C10orf105: variants seen among roughly 807,000 people sequenced by gnomAD.
The protein encoded by C10orf105 is uncharacterized protein C10orf105.
Under a neutral mutation model 0.6 loss-of-function variants are expected in C10orf105, and 2 were observed. The ratio of observed to expected loss-of-function variants is 3.18; its 90% CI spans 1.30 to 10.01. The LOEUF (loss-of-function observed/expected upper bound fraction) is 10.01, where lower values mean the gene tolerates loss of function less well. Ranked by LOEUF, C10orf105 falls within the 30% of genes most tolerant of loss-of-function variation. The pLI, the probability that C10orf105 is intolerant of heterozygous loss-of-function variation, is 0.04. For missense variants in C10orf105, 209 were observed against 191.4 expected, an observed-to-expected ratio of 1.09 and a Z score of -0.54; for synonymous variants, 95 against 82.4, an observed-to-expected ratio of 1.15 and a Z score of -0.83.
intron 1 of C10orf105, among the ~76,000 whole-genome samples, chr10:71,718,680 A>G (rs1866406242): frequency 6.6e-6 from 1 of 152,216 alleles, no homozygotes; most frequent in Non-Finnish European, 1.5e-5. Context: ...TACTAGTTCT[A>G]ATGTTATTTC....
chr10:71,716,479 G>A (rs892013378), intron 1 of C10orf105, 137 bp from the exon 2 acceptor site: 4 of 661,442 alleles, frequency 6.0e-6, no homozygotes, highest in Non-Finnish European at 1.0e-5. Context: ...CACATCACAG[G>A]TTAAGACAGC....
At chr10:71,718,768 A>G (rs1866410557) in intron 1 of C10orf105, among the ~76,000 whole-genome samples, 1 of 152,186 alleles carries the variant, frequency 6.6e-6, no homozygotes, top group Non-Finnish European at 1.5e-5. Context: ...ACCTGCTTTA[A>G]TTTAAAAAAT....
chr10:71,732,025 G>A lies in C10orf105; in HGVS notation c.-6+5703C>T, dbSNP rs747334403. ...GGTGAACTACCGCATCCTGTCGGGCGCAGAGGGGAAGTTTGAGATTGACGA... is the reference window on the plus strand; with the variant it reads ...GGTGAACTACCGCATCCTGTCGGGCACAGAGGGGAAGTTTGAGATTGACGA... On this transcript the variant is annotated intron_variant, in intron 1 of 1. Transcript: ENST00000398786. 2.2e-5 allele frequency: 35 copies of A among 1,613,852 alleles called. No individual in the cohort carries two copies. Among genetic ancestry groups the A allele is most frequent in the Middle Eastern group, 1.6e-4 (1 of 6,084 alleles).
chr10:71,727,450 G>T (rs1451416752), intron 1 of C10orf105, among the ~76,000 whole-genome samples: 1 of 152,220 alleles, frequency 6.6e-6, no homozygotes, highest in Non-Finnish European at 1.5e-5. Flanking sequence ...ATGAGACCCG[G>T]GAGAGCTGGG....
rs890250418 is a variant in C10orf105, at chr10:71,714,090, G to A, written c.*1846C>T. On this transcript the variant is annotated 3_prime_UTR_variant, in exon 2 of 2. Transcript: ENST00000441508. ...CCCATTTCTCAGGGAGAAATGCAGC[G>A]TCTCAGGATGACTTCTCCAAGGTCC... is the stretch of plus-strand genomic sequence containing the variant. The A allele has an allele frequency of 5.9e-5, 9 of 152,268 alleles. No individual in the cohort carries two copies. The highest frequency in any genetic ancestry group is 2.1e-4 in the South Asian group (1 of 4,828). The allele number at this position is 152,268 out of a possible 1,614,324, so 9.4% of individuals were successfully genotyped here.
At chr10:71,727,108 C>T (rs1190767815) in intron 1 of C10orf105, among the ~76,000 whole-genome samples, 5 of 152,192 alleles carry the variant, frequency 3.3e-5, no homozygotes, top group South Asian at 2.1e-4. Context: ...CTAAATGCCT[C>T]GTGTACTTTA....
upstream of C10orf105, among the ~76,000 whole-genome samples, chr10:71,723,677 C>T (rs1866669679): frequency 6.6e-6 from 1 of 152,172 alleles, no homozygotes; most frequent in Non-Finnish European, 1.5e-5. Context: ...CTGGGAGAGG[C>T]TCCTGGGCTC....
intron 1 of C10orf105, chr10:71,731,915 C>T: frequency 6.6e-7 from 1 of 1,513,688 alleles, no homozygotes; most frequent in East Asian, 2.4e-5. Flanking sequence ...ATGGGTGTGG[C>T]AGCTTGAGAA....
In C10orf105 at chr10:71,713,142, A is replaced by G. The variant is rs1322406853; in HGVS notation, c.*2794T>C. 1 of 778,842 alleles carries G rather than the reference A, an allele frequency of 1.3e-6. No homozygotes were observed. Among genetic ancestry groups the G allele is most frequent in the African/African-American group, 1.7e-5 (1 of 59,126 alleles). The allele number at this position is 778,842 out of a possible 1,614,324, so 48.2% of individuals were successfully genotyped here. ...GAAAGAGACGTCACAATTTCCCGGA[A>G]AGGAGTTGAGAAGAGAGCCAGGGCC... On this transcript the variant is annotated 3_prime_UTR_variant, in exon 2 of 2. Transcript: ENST00000441508.
chr10:71,731,044 C>A (rs1839363098), intron 1 of C10orf105, among the ~76,000 whole-genome samples: 1 of 152,264 alleles, frequency 6.6e-6, no homozygotes, highest in Non-Finnish European at 1.5e-5. Context: ...GTACAAGGGG[C>A]AGTACCCTTC....
At chr10:71,723,977 C>T, upstream of C10orf105, 3 of 1,524,222 alleles carry the variant, frequency 2.0e-6, no homozygotes. Context: ...AGGAAAGGAA[C>T]TCTAAAAACC....
chr10:71,730,955 C>A (rs752001180), intron 1 of C10orf105, among the ~76,000 whole-genome samples: 4 of 152,172 alleles, frequency 2.6e-5, no homozygotes, highest in African/African-American at 4.8e-5. Context: ...AAGCTGGCTG[C>A]GGCCTGGCCT....
At chr10:71,724,798 G>A (rs1270704931) in intron 1 of C10orf105, among the ~76,000 whole-genome samples, 1 of 152,196 alleles carries the variant, frequency 6.6e-6, no homozygotes, top group East Asian at 1.9e-4. Context: ...AAAATGTGCT[G>A]ATCCTCCCAC....
chr10:71,718,012 A>G (rs191974097), intron 1 of C10orf105: 42 of 152,376 alleles, frequency 2.8e-4, no homozygotes, highest in African/African-American at 1.0e-3. Context: ...TTTAAATTCT[A>G]CTGACGTGGA....
At chr10:71,731,149 A>T (rs1256185970) in intron 1 of C10orf105, among the ~76,000 whole-genome samples, 2 of 152,126 alleles carry the variant, frequency 1.3e-5, no homozygotes, top group Non-Finnish European at 2.9e-5. Context: ...AATGAAGGGG[A>T]AGCATGCCGG....
upstream of C10orf105, among the ~76,000 whole-genome samples, chr10:71,720,626 C>T (rs1369399604): frequency 6.6e-6 from 1 of 152,190 alleles, no homozygotes; most frequent in Non-Finnish European, 1.5e-5. Flanking sequence ...GACCCATTCC[C>T]TTTTTTGGAG....
At position 71,715,571 on chromosome 10, in the gene C10orf105, T is replaced by TGGCACCTGGAGGGCAAGGCTTC. The variant is rs1866176029; in HGVS notation, c.*343_*364dup. On this transcript the variant is annotated 3_prime_UTR_variant, in exon 2 of 2. Coordinates refer to ENST00000441508, the MANE Select transcript of C10orf105 (RefSeq NM_001164375.3). ...TTGGCAACTTCTCCATGCTGGGCTT[T>TGGCACCTGGAGGGCAAGGCTTC]GGCACCTGGAGGGCAAGGCTTCTGT... The TGGCACCTGGAGGGCAAGGCTTC allele has an allele frequency of 5.0e-6, 1 of 199,388 alleles. No individual in the cohort carries two copies. The highest frequency in any genetic ancestry group is 1.0e-5 in the Non-Finnish European group (1 of 99,320). 12.4% of individuals were successfully genotyped at this position (199,388 alleles called of 1,614,324 possible).
At position 71,715,610 on chromosome 10, in the gene C10orf105, G is replaced by A. The variant is rs1866178916; in HGVS notation, c.*326C>T. On this transcript the variant is annotated 3_prime_UTR_variant, in exon 2 of 2. Transcript: ENST00000441508. ...CAAGGCTTCTGTGGCGAGCGAGGGT[G>A]CTGCTTCTAGGAGGTGGTTACGAGC... 1 of 242,238 alleles carries A rather than the reference G, an allele frequency of 4.1e-6. No homozygotes were observed. Among genetic ancestry groups the A allele is most frequent in the Non-Finnish European group, 7.9e-6 (1 of 126,472 alleles). 15.0% of individuals were successfully genotyped at this position (242,238 alleles called of 1,614,324 possible). A position where few individuals can be genotyped will look rare whatever the true frequency, so the allele number is the denominator to read the frequency against.
chr10:71,719,884 G>A (rs753915601), upstream of C10orf105: 21 of 152,838 alleles, frequency 1.4e-4, no homozygotes, highest in Non-Finnish European at 2.5e-4. Flanking sequence ...ACTGGGTTGG[G>A]AAGAGGGAGA....
Sources: gnomAD v4.1 joint callset for allele counts (sites outside exome capture counted in the v4.1 genomes callset) on GRCh38, gnomAD v4.1.1 for gene constraint, MANE v1.5 for transcripts, NCBI Gene and HGNC (gene_info 2026-07-23, HGNC 2026-07-21) for gene names.